ASTN2: variants seen among roughly 807,000 people sequenced by gnomAD.
The protein encoded by ASTN2 is astrotactin 2.
In ASTN2, 54 loss-of-function variants were observed where a neutral mutation model predicts 139.8. The ratio of observed to expected loss-of-function variants is 0.39; its 90% confidence interval spans 0.31 to 0.48. The LOEUF is 0.48. ASTN2 is among the 20% of genes least tolerant of loss of function. The pLI is 0.95. For synonymous variants in ASTN2, 756 were observed against 719.5 expected, an observed-to-expected ratio of 1.05 and a Z score of -0.81; for missense variants, 1,565 against 1,725.1, an observed-to-expected ratio of 0.91 and a Z score of 1.64.
chr9:117,097,158 G>A (rs548673613), intron 4 of ASTN2, among the ~76,000 whole-genome samples: 8 of 152,314 alleles, frequency 5.3e-5, no homozygotes, highest in Admixed American at 1.3e-4. Flanking sequence ...GGGCTTGCAT[G>A]AGGGCCTGTG....
rs114851701 is a variant in ASTN2 at position 116,877,529 on chromosome 9, G to A, written c.1890-13796C>T. Among the ~76,000 whole-genome samples the A allele has an allele frequency of 3.7e-3, 563 of 152,284 alleles. 2 individuals are homozygous for A. Among genetic ancestry groups the A allele is most frequent in the African/African-American group, 0.013 (547 of 41,548 alleles). On this transcript the variant is annotated intron_variant, in intron 10 of 22. Transcript: ENST00000313400. ...AAATTTATAATTACAAACTGTGATA[G>A]ATGCTTTAAAAATACTGAATACAGT... is the stretch of plus-strand genomic sequence containing the variant.
At chr9:116,436,061 C>T (rs546732089) in intron 22 of ASTN2, among the ~76,000 whole-genome samples, 1 of 152,304 alleles carries the variant, frequency 6.6e-6, no homozygotes, top group African/African-American at 2.4e-5. Flanking sequence ...GATGCTGAAC[C>T]TTGTAAAGGC....
rs72762221 is a variant in ASTN2, at chr9:117,184,084, A to G, written c.1015+30274T>C. On this transcript the variant is annotated intron_variant, in intron 3 of 22. Coordinates refer to ENST00000313400, the MANE Select transcript of ASTN2 (RefSeq NM_001365068.1). ...TAGCTACAGGTTAAGAGCCAGAAGA[A>G]GGTGTAGAGACCTCACAATCCATCT... 8.4e-3 allele frequency among the ~76,000 whole-genome samples: 1,283 copies of G among 152,286 alleles called. 24 individuals are homozygous for G. The highest frequency in any genetic ancestry group is 9.1e-3 in the Non-Finnish European group (616 of 68,020).
chr9:116,962,011 C>T (rs1423156668), intron 10 of ASTN2, among the ~76,000 whole-genome samples: 1 of 152,182 alleles, frequency 6.6e-6, no homozygotes, highest in Non-Finnish European at 1.5e-5. Flanking sequence ...GTTAACTTGT[C>T]CACTGTTACC....
intron 10 of ASTN2, among the ~76,000 whole-genome samples, chr9:116,958,958 G>A (rs556534085): frequency 9.9e-5 from 15 of 152,270 alleles, no homozygotes; most frequent in South Asian, 6.2e-4. Flanking sequence ...TGCCATGTGG[G>A]GCCTCAATTT....
chr9:116,908,039 T>C (rs1834212887), intron 10 of ASTN2, among the ~76,000 whole-genome samples: 1 of 152,110 alleles, frequency 6.6e-6, no homozygotes, highest in African/African-American at 2.4e-5. Context: ...AGAGGCAGGA[T>C]CTCTGGCTCT....
At chr9:117,041,220 T>C (rs1838558351) in intron 5 of ASTN2, among the ~76,000 whole-genome samples, 1 of 152,202 alleles carries the variant, frequency 6.6e-6, no homozygotes, top group African/African-American at 2.4e-5. Flanking sequence ...CTTCAAGGTT[T>C]TGCTTACCAG....
chr9:116,556,847 T>A (rs1476471630), intron 19 of ASTN2, among the ~76,000 whole-genome samples: 1 of 152,186 alleles, frequency 6.6e-6, no homozygotes, highest in Non-Finnish European at 1.5e-5. Flanking sequence ...AGTATATATG[T>A]ACGCACACAC....
intron 11 of ASTN2, among the ~76,000 whole-genome samples, chr9:116,863,336 T>C (rs1424104023): frequency 1.3e-5 from 2 of 152,330 alleles, no homozygotes; most frequent in South Asian, 2.1e-4. Context: ...CTAAGACCTA[T>C]TGTGTGGTGG....
intron 3 of ASTN2, among the ~76,000 whole-genome samples, chr9:117,186,672 G>C (rs1489174844): frequency 1.3e-5 from 2 of 152,140 alleles, no homozygotes; most frequent in African/African-American, 2.4e-5. Context: ...GTCTTCCATT[G>C]ATTCATTTAC....
At chr9:117,383,026 C>G (rs2130931289) in intron 1 of ASTN2, among the ~76,000 whole-genome samples, 1 of 152,294 alleles carries the variant, frequency 6.6e-6, no homozygotes. Context: ...TGTCACTACT[C>G]AACTCTGCCA....
chr9:116,970,719 C>T (rs1475512295), intron 10 of ASTN2, among the ~76,000 whole-genome samples: 1 of 152,142 alleles, frequency 6.6e-6, no homozygotes, highest in Non-Finnish European at 1.5e-5. Flanking sequence ...AAACTATCAC[C>T]AAGTGAGCCA....
intron 5 of ASTN2, among the ~76,000 whole-genome samples, chr9:117,050,474 T>G (rs1838885427): frequency 6.6e-6 from 1 of 152,046 alleles, no homozygotes; most frequent in South Asian, 2.1e-4. Flanking sequence ...CCTCCCCTGC[T>G]CCCAGCTTCC....
rs370211827 is a variant in ASTN2 at position 116,999,742 on chromosome 9, T to A, written c.1591+8350A>T. On this transcript the variant is annotated intron_variant, in intron 7 of 22. Transcript: ENST00000313400. ...GCTCAGCTAATTTTTGTATTTTTAGTAGAGACAGAGTTTCACAGTGTGGGC... is the reference window on the plus strand; with the variant it reads ...GCTCAGCTAATTTTTGTATTTTTAGAAGAGACAGAGTTTCACAGTGTGGGC... Among the ~76,000 whole-genome samples, 31 of 151,964 alleles carry A rather than the reference T, an allele frequency of 2.0e-4. No individual in the cohort carries two copies. The East Asian group carries it at 6.0e-3, about 30-fold the overall frequency.
At chr9:116,452,369 T>G (rs1031223797) in intron 20 of ASTN2, among the ~76,000 whole-genome samples, 10 of 152,202 alleles carry the variant, frequency 6.6e-5, no homozygotes, top group African/African-American at 2.4e-4. Flanking sequence ...GATGTGTAGG[T>G]TTCACCTTGT....
At chr9:116,774,167 T>G (rs1830021900) in intron 13 of ASTN2, among the ~76,000 whole-genome samples, 1 of 152,306 alleles carries the variant, frequency 6.6e-6, no homozygotes, top group South Asian at 2.1e-4. Context: ...CTCTTCAGGC[T>G]CTTCTAAAGA....
At chr9:117,048,488 A>G (rs1838809303) in intron 5 of ASTN2, among the ~76,000 whole-genome samples, 1 of 152,158 alleles carries the variant, frequency 6.6e-6, no homozygotes, top group Non-Finnish European at 1.5e-5. Context: ...TCTATAGTGC[A>G]GGCCTAGATT....
chr9:116,976,638 C>G lies in ASTN2; in HGVS notation c.1676+63G>C, dbSNP rs561801799. ...TGGAGATGCTTGGGGCCTCTGGTAACAGAACAGAGGAGGTAAAAGTGGGTC... is the reference window on the plus strand; with the variant it reads ...TGGAGATGCTTGGGGCCTCTGGTAAGAGAACAGAGGAGGTAAAAGTGGGTC... On this transcript the variant is annotated intron_variant, in intron 8 of 22. Transcript: ENST00000313400. The G allele has an allele frequency of 1.1e-3, 1,505 of 1,421,182 alleles. 1 individual carries two copies. The highest frequency in any genetic ancestry group is 1.3e-3 in the Non-Finnish European group (1,330 of 1,020,828). The allele number at this position is 1,421,182 out of a possible 1,614,324, so 88.0% of individuals were successfully genotyped here. A position where few individuals can be genotyped will look rare whatever the true frequency, so the allele number is the denominator to read the frequency against.
intron 7 of ASTN2, among the ~76,000 whole-genome samples, chr9:116,984,064 C>A (rs1836602102): frequency 6.6e-6 from 1 of 152,204 alleles, no homozygotes; most frequent in Non-Finnish European, 1.5e-5. Context: ...GTACCAGTTT[C>A]TTTCCTAATT....
Sources: gnomAD v4.1 joint callset for allele counts (sites outside exome capture counted in the v4.1 genomes callset) on GRCh38, gnomAD v4.1.1 for gene constraint, MANE v1.5 for transcripts, NCBI Gene and HGNC (gene_info 2026-07-23, HGNC 2026-07-21) for gene names.